The following HERC2 variants were observed in gnomAD, a reference collection of about 807,000 sequenced individuals.
HERC2 encodes the protein HECT and RLD domain containing E3 ubiquitin protein ligase 2.
HERC2 carries 102 observed loss-of-function variants against 537.7 expected under a neutral mutation model. The observed-to-expected ratio is 0.19, with a 90% CI of 0.16 to 0.22. The LOEUF (loss-of-function observed/expected upper bound fraction) is 0.22, where lower values mean the gene tolerates loss of function less well. Among genes scored for constraint, HERC2 ranks in the 10% least tolerant of loss-of-function variants. The probability of loss-of-function intolerance (pLI) is 1.00; values close to 1 mark genes in which losing one functional copy is unlikely to be tolerated. For synonymous variants in HERC2, 2,224 were observed against 2,466.2 expected (o/e 0.90, Z 2.91); for missense variants, 4,236 against 6,198.2 (o/e 0.68, Z 10.63).
At chr15:28,263,952 G>A (rs1173609704) in intron 14 of HERC2, among the ~76,000 whole-genome samples, 2 of 149,654 alleles carry the variant, frequency 1.3e-5, no homozygotes, top group East Asian at 3.9e-4. Flanking sequence ...CCGGGAGGTG[G>A]AGTTTGCGGC....
intron 10 of HERC2, among the ~76,000 whole-genome samples, chr15:28,269,986 G>A (rs2140981129): frequency 6.6e-6 from 1 of 152,262 alleles, no homozygotes; most frequent in East Asian, 1.9e-4. Context: ...GTTGAGATGG[G>A]GTTTCACGCT....
At chr15:28,281,376 G>A (rs550131902) in intron 4 of HERC2, among the ~76,000 whole-genome samples, 4 of 152,250 alleles carry the variant, frequency 2.6e-5, no homozygotes, top group East Asian at 1.9e-4. Context: ...TCCCAGTGGC[G>A]AGGTGAGAGC....
chr15:28,219,738 ATGACACTG>A (rs1900317927), intron 37 of HERC2, among the ~76,000 whole-genome samples: 2 of 152,168 alleles, frequency 1.3e-5, no homozygotes, highest in African/African-American at 4.8e-5. Context: ...TCTGAGCCTG[ATGACACTG>A]TAGCCATGGG....
In HERC2 at chr15:28,115,539, C is replaced by T. The variant is rs149338352; in HGVS notation, c.13612G>A (p.Val4538Met). 37 of 1,611,736 alleles carry T rather than the reference C, an allele frequency of 2.3e-5. No individual in the cohort carries two copies. Among genetic ancestry groups the T allele is most frequent in the Non-Finnish European group, 2.8e-5 (33 of 1,178,094 alleles). ...VHSSMFRFLG[V>M]LLGIAIRTGS... is the part of the protein sequence containing the mutation. ...GTTCGGATGGCAATGCCCAGCAACA[C>T]ACCTGATCATTCAGGACACAAGTGA... is the stretch of plus-strand genomic sequence containing the variant. Residue 4538 changes from valine (V) to methionine (M), a missense_variant and splice_region_variant, in exon 89 of 93, where the codon GTG (valine) becomes ATG (methionine). Coordinates refer to ENST00000261609, the MANE Select transcript of HERC2 (RefSeq NM_004667.6).
intron 23 of HERC2, among the ~76,000 whole-genome samples, chr15:28,241,895 CA>C (rs1903165327): frequency 6.6e-6 from 1 of 152,094 alleles, no homozygotes; most frequent in Non-Finnish European, 1.5e-5. Flanking sequence ...GCATTATTCA[CA>C]ATAGCCAAAA....
rs1901645404 is a variant in HERC2, at chr15:28,229,844, T to G, written c.4813A>C (p.Lys1605Gln). ...RPIAIKSPKDKWQPLLSTVTG... is the reference protein window; with the variant it reads ...RPIAIKSPKDQWQPLLSTVTG... ...ACAGTACTCAACAGCGGCTGCCATT[T>G]GTCCTAACAAAGGAAAACAATTTTC... Residue 1605 changes from lysine to glutamine, a missense_variant, in exon 32 of 93, where the codon AAA (lysine) becomes CAA (glutamine). Coordinates refer to ENST00000261609, the MANE Select transcript of HERC2 (RefSeq NM_004667.6). The G allele has an allele frequency of 8.3e-7, 1 of 1,199,672 alleles. No homozygotes were observed. The highest frequency in any genetic ancestry group is 1.2e-5 in the South Asian group (1 of 80,726). The allele number at this position is 1,199,672 out of a possible 1,614,324, so 74.3% of individuals were successfully genotyped here.
chr15:28,213,907 C>G lies in HERC2; in HGVS notation c.6621G>C (p.Leu2207=), dbSNP rs1596248664. The G allele has an allele frequency of 6.2e-7, 1 of 1,614,096 alleles. No individual in the cohort carries two copies. The highest frequency in any genetic ancestry group is 8.5e-7 in the Non-Finnish European group (1 of 1,180,022). Residue 2207 remains leucine, a synonymous_variant, in exon 42 of 93, where the codon CTG becomes CTC. Coordinates refer to ENST00000261609, the MANE Select transcript of HERC2 (RefSeq NM_004667.6). ...NPEVGGLMAV[L]AVIGGIDGRL... ...GACCATCGATGCCTCCAATCACAGCCAGGACTGCCATGAGGCCCCCCACTT... is the reference window on the plus strand; with the variant it reads ...GACCATCGATGCCTCCAATCACAGCGAGGACTGCCATGAGGCCCCCCACTT...
intron 86 of HERC2, 81 bp from the exon 87 acceptor site, chr15:28,117,235 T>G: frequency 1.4e-6 from 2 of 1,404,938 alleles, no homozygotes; most frequent in Non-Finnish European, 2.0e-6. Context: ...CACTGGCGAA[T>G]GCACGAGGAG....
chr15:28,219,567 C>G (rs1900296628), intron 37 of HERC2, among the ~76,000 whole-genome samples: 1 of 152,218 alleles, frequency 6.6e-6, no homozygotes, highest in Non-Finnish European at 1.5e-5. Context: ...CTGAGGGACC[C>G]AGGCCCCAGA....
intron 83 of HERC2, among the ~76,000 whole-genome samples, chr15:28,128,406 A>G (rs1397969177): frequency 6.6e-6 from 1 of 152,242 alleles, no homozygotes; most frequent in Admixed American, 6.5e-5. Flanking sequence ...AGCAAGTTCT[A>G]GGTAATGTAC....
At chr15:28,179,252 A>G in intron 57 of HERC2, 29 bp from the exon 58 acceptor site, 1 of 1,508,166 alleles carries the variant, frequency 6.6e-7, no homozygotes, top group Non-Finnish European at 9.0e-7. Flanking sequence ...AACAAAAAAA[A>G]AAGAAAAGAA....
At position 28,178,941 on chromosome 15, in the gene HERC2, G is replaced by A. The variant is rs756736818; in HGVS notation, c.9109C>T (p.Arg3037Trp). The change falls in exon 59 of 93, where the codon CGG (arginine) becomes TGG (tryptophan). Residue 3037 changes from arginine to tryptophan, a missense_variant. Physicochemically the swap from Arg to Trp is moderately radical, Grantham distance 101 (BLOSUM62 -3). This residue lies in a region of HERC2 where 606 missense variants were observed against 884.5 expected (regional missense o/e 0.69). Coordinates refer to ENST00000261609, the MANE Select transcript of HERC2 (RefSeq NM_004667.6). ...GISSGTVPIPRQITALSSYVV... is the reference protein window; with the variant it reads ...GISSGTVPIPWQITALSSYVV... ...TAGCTGCTGAGAGCTGTGATCTGCC[G>A]TGGGATGGGCACCGTCCCGCTGGAA... 9.3e-6 allele frequency: 15 copies of A among 1,614,132 alleles called. No individual in the cohort carries two copies. The highest frequency in any genetic ancestry group is 1.2e-5 in the Non-Finnish European group (14 of 1,180,022).
intron 68 of HERC2, among the ~76,000 whole-genome samples, chr15:28,163,765 T>C (rs906096023): frequency 2.0e-5 from 3 of 152,206 alleles, no homozygotes; most frequent in Non-Finnish European, 4.4e-5. Flanking sequence ...TAACACACTA[T>C]CCAGTCTCTC....
intron 4 of HERC2, among the ~76,000 whole-genome samples, chr15:28,289,812 C>T (rs2076262244): frequency 1.3e-5 from 2 of 152,208 alleles, no homozygotes; most frequent in Non-Finnish European, 2.9e-5. Flanking sequence ...CTTAATGCTC[C>T]TTGTGCAGTG....
intron 2 of HERC2, among the ~76,000 whole-genome samples, chr15:28,311,361 G>T (rs1258667281): frequency 1.3e-5 from 2 of 152,244 alleles, no homozygotes; most frequent in Non-Finnish European, 2.9e-5. Context: ...CTACTCAGGG[G>T]GCTGAGGTGG....
intron 69 of HERC2, among the ~76,000 whole-genome samples, chr15:28,160,369 G>A (rs986966065): frequency 9.9e-5 from 15 of 152,208 alleles, no homozygotes; most frequent in African/African-American, 3.6e-4. Context: ...CTTGAGCTGC[G>A]GTGGGCTCCA....
intron 30 of HERC2, among the ~76,000 whole-genome samples, chr15:28,232,667 T>C (rs1340250389): frequency 6.6e-6 from 1 of 152,252 alleles, no homozygotes; most frequent in Non-Finnish European, 1.5e-5. Context: ...TTGGATTTAA[T>C]GCAAAAAGAC....
At chr15:28,116,568 A>G in intron 88 of HERC2, 97 bp downstream of exon 88, 1 of 1,207,440 alleles carries the variant, frequency 8.3e-7, no homozygotes, top group Non-Finnish European at 1.2e-6. Context: ...GCAGATATTC[A>G]AGATATCTAC....
At chr15:28,235,860 G>C (rs1158914888) in intron 26 of HERC2, among the ~76,000 whole-genome samples, 4 of 152,126 alleles carry the variant, frequency 2.6e-5, no homozygotes, top group Non-Finnish European at 4.4e-5. Flanking sequence ...CTGCTCACAC[G>C]GATGGACAGA....
Sources: gnomAD v4.1 joint callset for allele counts (sites outside exome capture counted in the v4.1 genomes callset) on GRCh38, gnomAD v4.1.1 for gene constraint, gnomAD v4.1.1 regional missense constraint, MANE v1.5 for transcripts, NCBI Gene and HGNC (gene_info 2026-07-23, HGNC 2026-07-21) for gene names.